KSR2: variants seen among roughly 807,000 people sequenced by gnomAD.
The protein encoded by KSR2 is kinase suppressor of ras 2.
KSR2 carries 25 observed loss-of-function variants against 107.8 expected under a neutral mutation model. That is an observed-to-expected ratio of 0.23 (90% CI 0.17 to 0.32). KSR2 has a LOEUF of 0.32. KSR2 is among the 10% of genes least tolerant of loss of function. The pLI is 1.00. For synonymous variants in KSR2, 480 were observed against 507.0 expected (o/e 0.95, Z 0.71); for missense variants, 887 against 1,268.9 (o/e 0.70, Z 4.57).
intron 4 of KSR2, among the ~76,000 whole-genome samples, chr12:117,731,042 C>T (rs1167916630): frequency 6.6e-6 from 1 of 151,838 alleles, no homozygotes; most frequent in Non-Finnish European, 1.5e-5. Context: ...TTCCCGGCCG[C>T]CATCCCGTCT....
intron 1 of KSR2, among the ~76,000 whole-genome samples, chr12:117,919,386 T>C (rs1485364543): frequency 6.6e-6 from 1 of 152,158 alleles, no homozygotes; most frequent in East Asian, 1.9e-4. Context: ...GAATATAGGA[T>C]CATAGGTAAG....
At chr12:117,869,353 C>T (rs958449722) in intron 1 of KSR2, among the ~76,000 whole-genome samples, 1 of 152,082 alleles carries the variant, frequency 6.6e-6, no homozygotes, top group South Asian at 2.1e-4. Context: ...GCCTGGGCGA[C>T]ACAGCAAGAC....
chr12:117,795,047 C>T, intron 3 of KSR2, among the ~76,000 whole-genome samples: 1 of 152,194 alleles, frequency 6.6e-6, no homozygotes, highest in South Asian at 2.1e-4. Flanking sequence ...AAGAGTGCCC[C>T]TAATTCTAAG....
intron 4 of KSR2, among the ~76,000 whole-genome samples, chr12:117,740,096 C>T (rs1888115377): frequency 1.3e-5 from 2 of 151,014 alleles, no homozygotes; most frequent in African/African-American, 2.4e-5. Flanking sequence ...CCTTCCTTCC[C>T]GAGTCCCAAA....
chr12:117,618,906 C>T (rs1022886081), intron 5 of KSR2, among the ~76,000 whole-genome samples: 13 of 152,174 alleles, frequency 8.5e-5, no homozygotes, highest in Non-Finnish European at 1.5e-5. Flanking sequence ...CCCTCACTTC[C>T]TTGGTAGCTT....
Position 117,674,232 on chromosome 12 carries a change from T to G in KSR2, c.987-6574A>C, listed in dbSNP as rs533353878. The stretch of plus-strand genomic sequence containing the variant: ...CATTGTCTTTGAATGAGTTCATTAC[T>G]CTCCATCTCTAGCCCCAATGTTCTG... On this transcript the variant is annotated intron_variant, in intron 4 of 19. Coordinates refer to ENST00000339824, the MANE Select transcript of KSR2 (RefSeq NM_173598.6). 262 of 481,270 alleles carry G rather than the reference T, an allele frequency of 5.4e-4. 2 individuals are homozygous for G. The highest frequency in any genetic ancestry group is 6.3e-4 in the Non-Finnish European group (151 of 238,992). 29.8% of individuals were successfully genotyped at this position (481,270 alleles called of 1,614,324 possible). A position where few individuals can be genotyped will look rare whatever the true frequency, so the allele number is the denominator to read the frequency against.
At chr12:117,627,377 C>T (rs1451062008) in intron 5 of KSR2, among the ~76,000 whole-genome samples, 1 of 152,180 alleles carries the variant, frequency 6.6e-6, no homozygotes, top group Non-Finnish European at 1.5e-5. Flanking sequence ...CCTTCAGGAA[C>T]TCTTGTAAGG....
chr12:117,669,471 C>G (rs1565952639), intron 4 of KSR2, among the ~76,000 whole-genome samples: 1 of 151,818 alleles, frequency 6.6e-6, no homozygotes, highest in Non-Finnish European at 1.5e-5. Flanking sequence ...TGAGGCTTGA[C>G]TGAAATAGGC....
chr12:117,881,394 G>A (rs967208449), intron 1 of KSR2, among the ~76,000 whole-genome samples: 2 of 152,174 alleles, frequency 1.3e-5, no homozygotes, highest in African/African-American at 4.8e-5. Context: ...TAGAGATGAG[G>A]TGTTGTCAGC....
chr12:117,563,691 T>C (rs1248976889), intron 7 of KSR2, among the ~76,000 whole-genome samples: 1 of 152,168 alleles, frequency 6.6e-6, no homozygotes, highest in Non-Finnish European at 1.5e-5. Context: ...GCTGGAGGAC[T>C]TTCTCTGGCT....
intron 1 of KSR2, among the ~76,000 whole-genome samples, chr12:117,948,903 G>C (rs1006006853): frequency 3.3e-5 from 5 of 152,034 alleles, no homozygotes; most frequent in African/African-American, 1.2e-4. Flanking sequence ...AGACCAGCCT[G>C]GCCAACATGG....
At chr12:117,689,397 T>A (rs184061193) in intron 4 of KSR2, among the ~76,000 whole-genome samples, 1 of 152,350 alleles carries the variant, frequency 6.6e-6, no homozygotes, top group East Asian at 1.9e-4. Flanking sequence ...GAGGTGGTTC[T>A]ATAACAGGGG....
intron 4 of KSR2, among the ~76,000 whole-genome samples, chr12:117,682,335 T>A (rs1473216631): frequency 6.6e-6 from 1 of 152,048 alleles, no homozygotes; most frequent in African/African-American, 2.4e-5. Flanking sequence ...ACCTAGGTGA[T>A]GAGTTGATAG....
At chr12:117,875,333 A>ATTTTT (rs56091034) in intron 1 of KSR2, among the ~76,000 whole-genome samples, 19,358 of 137,682 alleles carry the variant, frequency 0.14, 1,424 homozygotes, top group East Asian at 0.19. Flanking sequence ...CTTAGGTGCT[A>ATTTTT]TTTTTTTTTT....
At chr12:117,810,576 G>A (rs1416375106) in intron 3 of KSR2, among the ~76,000 whole-genome samples, 2 of 152,186 alleles carry the variant, frequency 1.3e-5, no homozygotes, top group African/African-American at 4.8e-5. Flanking sequence ...GCTTCCCAAA[G>A]AGCTGGGATT....
rs139587567 is a variant in KSR2, at chr12:117,670,545, T to C, written c.987-2887A>G. On this transcript the variant is annotated intron_variant, in intron 4 of 19. Coordinates refer to ENST00000339824, the MANE Select transcript of KSR2 (RefSeq NM_173598.6). ...ATCATCACCCACCCCGAGGCCACTA[T>C]CCTGAGAAGTTCGATTTGGGACATG... is the stretch of plus-strand genomic sequence containing the variant. Among the ~76,000 whole-genome samples the C allele has an allele frequency of 7.9e-5, 12 of 152,236 alleles. No homozygotes were observed. The South Asian group carries it at 1.0e-3, about 13-fold the overall frequency.
chr12:117,666,445 G>A (rs1884664198), intron 5 of KSR2, among the ~76,000 whole-genome samples: 2 of 152,354 alleles, frequency 1.3e-5, no homozygotes. Context: ...GATGTGTGAT[G>A]TGTTAGAAAG....
rs570501324 is a variant in KSR2, at chr12:117,470,386, T to TATCCATCC, written c.2713-599_2713-592dup. On this transcript the variant is annotated intron_variant, in intron 18 of 19. Coordinates refer to ENST00000339824, the MANE Select transcript of KSR2 (RefSeq NM_173598.6). ...ATCTCATTAATTCTTCATCCTTCAT[T>TATCCATCC]ATCCATCCATCCATCCATCCATCCG... Among the ~76,000 whole-genome samples the TATCCATCC allele has an allele frequency of 1.8e-3, 262 of 149,598 alleles. 1 individual carries two copies. Among genetic ancestry groups the TATCCATCC allele is most frequent in the African/African-American group, 6.2e-3 (252 of 40,656 alleles).
intron 1 of KSR2, among the ~76,000 whole-genome samples, chr12:117,865,714 G>A (rs1423436535): frequency 4.6e-5 from 7 of 152,062 alleles, no homozygotes; most frequent in Non-Finnish European, 1.0e-4. Flanking sequence ...GTCATGCCTC[G>A]TGCCTTTAAA....
Sources: allele counts gnomAD v4.1 joint callset (sites outside exome capture counted in the v4.1 genomes callset), GRCh38; gene constraint gnomAD v4.1.1; transcripts MANE v1.5; gene names NCBI Gene and HGNC (gene_info 2026-07-23, HGNC 2026-07-21).